DPP10: variants seen among roughly 807,000 people sequenced by gnomAD.
The protein encoded by DPP10 is inactive dipeptidyl peptidase 10.
In DPP10, 33 loss-of-function variants were observed where a neutral mutation model predicts 120.9. The ratio of observed to expected loss-of-function variants is 0.27; its 90% CI spans 0.21 to 0.37. The LOEUF (loss-of-function observed/expected upper bound fraction) is 0.37. Among genes scored for constraint, DPP10 ranks in the 10% least tolerant of loss-of-function variants. DPP10 has a pLI of 1.00. For missense variants in DPP10, 816 were observed against 942.8 expected (o/e 0.87, Z 1.76); for synonymous variants, 337 against 326.1 (o/e 1.03, Z -0.36).
At chr2:115,783,732 C>A (rs546764414) in intron 17 of DPP10, among the ~76,000 whole-genome samples, 2 of 152,062 alleles carry the variant, frequency 1.3e-5, no homozygotes, top group Admixed American at 6.5e-5. Flanking sequence ...ACAATAATGA[C>A]CATAGACAGT....
intron 1 of DPP10, among the ~76,000 whole-genome samples, chr2:114,613,323 C>T (rs1309723187): frequency 6.6e-6 from 1 of 152,124 alleles, no homozygotes; most frequent in Non-Finnish European, 1.5e-5. Context: ...GGCTAGACCA[C>T]ATCTTTTAGA....
intron 1 of DPP10, among the ~76,000 whole-genome samples, chr2:114,772,514 TCAGA>T (rs1681359445): frequency 6.6e-6 from 1 of 152,180 alleles, no homozygotes; most frequent in Non-Finnish European, 1.5e-5. Context: ...TAGGCCTTTA[TCAGA>T]CAGAGAGAAG....
intron 1 of DPP10, among the ~76,000 whole-genome samples, chr2:114,832,846 A>T (rs1379407824): frequency 6.6e-6 from 1 of 152,028 alleles, no homozygotes; most frequent in Admixed American, 6.5e-5. Flanking sequence ...TCTACCTAAC[A>T]TGTTTCTATT....
chr2:114,881,487 CTA>C (rs1553447195), intron 1 of DPP10, among the ~76,000 whole-genome samples: 1,647 of 117,906 alleles, frequency 0.014, 38 homozygotes, highest in African/African-American at 0.047. Context: ...ATCTATCTAT[CTA>C]TCATATCTCT....
At chr2:115,180,357 T>C (rs2053992607) in intron 1 of DPP10, among the ~76,000 whole-genome samples, 1 of 152,192 alleles carries the variant, frequency 6.6e-6, no homozygotes, top group South Asian at 2.1e-4. Flanking sequence ...AGGTATGACT[T>C]GAAATAAATT....
chr2:115,519,735 C>T (rs2077694036), intron 4 of DPP10, among the ~76,000 whole-genome samples: 1 of 152,130 alleles, frequency 6.6e-6, no homozygotes, highest in Non-Finnish European at 1.5e-5. Flanking sequence ...TTCCCAGCTT[C>T]TCTTGATTTC....
At chr2:114,753,198 A>G (rs1302444514) in intron 1 of DPP10, among the ~76,000 whole-genome samples, 1 of 152,192 alleles carries the variant, frequency 6.6e-6, no homozygotes, top group Non-Finnish European at 1.5e-5. Context: ...AGGATGAGCT[A>G]GGCTAATGGA....
At position 115,688,034 on chromosome 2, in the gene DPP10, A is replaced by AAGAGAGAGAGAGAGAGAGAAAAAGAGAG. The variant is rs1553480191; in HGVS notation, c.442-1634_442-1633insAAAAGAGAGAGAGAGAGAGAGAGAGAGA. Among the ~76,000 whole-genome samples the AAGAGAGAGAGAGAGAGAGAAAAAGAGAG allele has an allele frequency of 8.7e-4, 131 of 150,300 alleles. 2 individuals are homozygous for AAGAGAGAGAGAGAGAGAGAAAAAGAGAG. Among genetic ancestry groups the AAGAGAGAGAGAGAGAGAGAAAAAGAGAG allele is most frequent in the Middle Eastern group, 3.4e-3 (1 of 290 alleles). On this transcript the variant is annotated intron_variant, in intron 5 of 25. Coordinates refer to ENST00000410059, the MANE Select transcript of DPP10 (RefSeq NM_020868.6). ...CAGAGCTTTCTGAGAGAGAGAGAAAAAGAGAGAGAGAGAGAGAGAGAAAAT... is the reference window on the plus strand; with the variant it reads ...CAGAGCTTTCTGAGAGAGAGAGAAAAAGAGAGAGAGAGAGAGAGAAAAAGAGAGAGAGAGAGAGAGAGAGAGAGAAAAT...
At chr2:114,443,814 C>T (rs927610928) in intron 1 of DPP10, among the ~76,000 whole-genome samples, 3 of 151,642 alleles carry the variant, frequency 2.0e-5, no homozygotes, top group African/African-American at 7.3e-5. Flanking sequence ...CCTGATAAGC[C>T]TGACTTTTTA....
Position 115,780,883 on chromosome 2 carries a change from T to G in DPP10, c.1371T>G (p.Thr457=). 6.2e-7 allele frequency: 1 copy of G among 1,602,164 alleles called. No individual in the cohort carries two copies. The highest frequency in any genetic ancestry group is 8.5e-7 in the Non-Finnish European group (1 of 1,172,658). The part of the protein sequence containing the change: ...PRGRQLYSAS[T]EGLLNRQCIS... ...CTTTTTCTTTCTCCAGTGCTTCTAC[T>G]GAAGGATTATTGAATCGCCAATGCA... Residue 457 remains threonine (T), a synonymous_variant, in exon 16 of 26, where the codon ACT becomes ACG. Coordinates refer to ENST00000410059, the MANE Select transcript of DPP10 (RefSeq NM_020868.6).
rs1225860019 is a variant in DPP10, at chr2:114,812,851, T to G, written c.60+370013T>G. 1.6e-4 allele frequency among the ~76,000 whole-genome samples: 24 copies of G among 152,174 alleles called. 1 individual carries two copies. The highest frequency in any genetic ancestry group is 1.6e-3 in the Admixed American group (24 of 15,282). On this transcript the variant is annotated intron_variant, in intron 1 of 25. Transcript: ENST00000410059. Reference sequence around the variant, plus strand: ...CTCTGAGCTCACAAATACATGGTTTTGGGGTTACATAGGCCAGATATCCAG... The same window carrying G: ...CTCTGAGCTCACAAATACATGGTTTGGGGGTTACATAGGCCAGATATCCAG...
intron 5 of DPP10, among the ~76,000 whole-genome samples, chr2:115,580,993 T>C (rs1403413642): frequency 6.6e-6 from 1 of 152,184 alleles, no homozygotes; most frequent in African/African-American, 2.4e-5. Flanking sequence ...GTTAGATCAC[T>C]TAGCCAAAGA....
intron 1 of DPP10, among the ~76,000 whole-genome samples, chr2:114,491,690 T>C (rs2104441127): frequency 6.6e-6 from 1 of 152,324 alleles, no homozygotes; most frequent in African/African-American, 2.4e-5. Context: ...AAGATTTTAC[T>C]CACTGAAGCA....
At chr2:115,617,390 C>A (rs1156338434) in intron 5 of DPP10, among the ~76,000 whole-genome samples, 1 of 148,964 alleles carries the variant, frequency 6.7e-6, no homozygotes, top group African/African-American at 2.5e-5. Flanking sequence ...ATGAAGAATG[C>A]ATAACAAGAA....
intron 3 of DPP10, among the ~76,000 whole-genome samples, chr2:115,484,831 T>G (rs1194949769): frequency 6.6e-6 from 1 of 152,092 alleles, no homozygotes. Flanking sequence ...AAATAGTCCT[T>G]TAGTTTTCTC....
chr2:115,592,998 T>C (rs928312618), intron 5 of DPP10, among the ~76,000 whole-genome samples: 1 of 152,162 alleles, frequency 6.6e-6, no homozygotes, highest in Non-Finnish European at 1.5e-5. Flanking sequence ...TTTTTACACA[T>C]TAAAAGCCAA....
At chr2:114,946,704 A>T (rs559573915) in intron 1 of DPP10, among the ~76,000 whole-genome samples, 13 of 151,018 alleles carry the variant, frequency 8.6e-5, no homozygotes, top group African/African-American at 2.7e-4. Context: ...TTCATTTAGG[A>T]TTTTTTTTGT....
intron 1 of DPP10, among the ~76,000 whole-genome samples, chr2:115,103,335 C>A (rs1347178432): frequency 6.6e-6 from 1 of 152,002 alleles, no homozygotes; most frequent in Admixed American, 6.6e-5. Context: ...CTACAGGCAC[C>A]TGCCACCACG....
intron 1 of DPP10, chr2:115,161,953 G>T: frequency 1.4e-6 from 2 of 1,437,052 alleles, no homozygotes; most frequent in Non-Finnish European, 1.8e-6. Context: ...GCGGGCCGCC[G>T]GCGATGACGG....
Sources: gnomAD v4.1 joint callset for allele counts (sites outside exome capture counted in the v4.1 genomes callset) on GRCh38, gnomAD v4.1.1 for gene constraint, MANE v1.5 for transcripts, NCBI Gene and HGNC (gene_info 2026-07-23, HGNC 2026-07-21) for gene names.